MARCHF1: variants seen among roughly 807,000 people sequenced by gnomAD.
The protein encoded by MARCHF1 is E3 ubiquitin-protein ligase MARCHF1.
A neutral mutation model predicts 54.2 loss-of-function variants in MARCHF1; 40 were observed. The observed-to-expected ratio is 0.74, with a 90% CI of 0.57 to 0.96. The LOEUF (loss-of-function observed/expected upper bound fraction) is 0.96. Among genes scored for constraint, MARCHF1 ranks in the 40% least tolerant of loss-of-function variants. The pLI is 0.00. For synonymous variants in MARCHF1, 236 were observed against 236.3 expected, an observed-to-expected ratio of 1.00 and a Z score of 0.01; for missense variants, 586 against 656.5, an observed-to-expected ratio of 0.89 and a Z score of 1.17.
chr4:163,634,397 G>A (rs1742232329), intron 5 of MARCHF1, among the ~76,000 whole-genome samples: 2 of 148,132 alleles, frequency 1.4e-5, no homozygotes, highest in African/African-American at 5.0e-5. Flanking sequence ...AAAGGATGGA[G>A]GAAGATCTAC....
intron 2 of MARCHF1, among the ~76,000 whole-genome samples, chr4:164,052,550 C>T (rs1051729632): frequency 1.3e-5 from 2 of 151,944 alleles, no homozygotes; most frequent in African/African-American, 4.8e-5. Flanking sequence ...GAGCCTTCCT[C>T]CTGGGTAAAG....
intron 5 of MARCHF1, among the ~76,000 whole-genome samples, chr4:163,687,977 A>G (rs773804960): frequency 1.3e-5 from 2 of 152,244 alleles, no homozygotes; most frequent in Non-Finnish European, 2.9e-5. Context: ...CAACAAAGAC[A>G]GCCCAATTGG....
intron 3 of MARCHF1, among the ~76,000 whole-genome samples, chr4:163,975,192 T>TCACA (rs1244675716): frequency 9.6e-6 from 1 of 104,420 alleles, no homozygotes; most frequent in African/African-American, 3.8e-5. Flanking sequence ...TCTCTCTCTC[T>TCACA]CTCTCACACA....
At chr4:163,808,237 A>C (rs1748280901) in intron 4 of MARCHF1, among the ~76,000 whole-genome samples, 1 of 152,152 alleles carries the variant, frequency 6.6e-6, no homozygotes, top group East Asian at 1.9e-4. Flanking sequence ...TTCACTAATC[A>C]CATGCTGTCT....
intron 1 of MARCHF1, among the ~76,000 whole-genome samples, chr4:164,186,085 G>T (rs567894689): frequency 3.3e-5 from 5 of 152,238 alleles, no homozygotes; most frequent in African/African-American, 1.2e-4. Context: ...TAGAGACGGG[G>T]TTTTGCCATG....
intron 9 of MARCHF1, among the ~76,000 whole-genome samples, chr4:163,534,594 A>G (rs1310187284): frequency 6.6e-6 from 1 of 152,106 alleles, no homozygotes; most frequent in Non-Finnish European, 1.5e-5. Context: ...ACTTAAGAGA[A>G]GATGCTAAAA....
chr4:164,336,171 A>T (rs1339041290), intron 1 of MARCHF1, among the ~76,000 whole-genome samples: 1 of 152,214 alleles, frequency 6.6e-6, no homozygotes, highest in East Asian at 1.9e-4. Flanking sequence ...GCTTCTTGAT[A>T]GATGAGAGAT....
rs6819162 is a variant in MARCHF1 at position 163,804,809 on chromosome 4, C to T, written c.111+49212G>A. Among the ~76,000 whole-genome samples, 22 of 152,210 alleles carry T rather than the reference C, an allele frequency of 1.4e-4. No individual in the cohort carries two copies. In the East Asian group the frequency reaches 3.7e-3, roughly 25 times the overall value. ...TTCACTTGCACCTCACCATTTTTCACGGCATTCCCTTTTAGACATCTCTCT... is the reference window on the plus strand; with the variant it reads ...TTCACTTGCACCTCACCATTTTTCATGGCATTCCCTTTTAGACATCTCTCT... On this transcript the variant is annotated intron_variant, in intron 4 of 9. Coordinates refer to ENST00000514618, the MANE Select transcript of MARCHF1 (RefSeq NM_001394959.1).
At chr4:164,098,126 C>G (rs1579530603) in intron 2 of MARCHF1, among the ~76,000 whole-genome samples, 1 of 152,278 alleles carries the variant, frequency 6.6e-6, no homozygotes, top group South Asian at 2.1e-4. Context: ...CTCATGCTTT[C>G]AGCTTACCAC....
At chr4:164,252,237 G>A (rs928461558) in intron 1 of MARCHF1, among the ~76,000 whole-genome samples, 17 of 152,132 alleles carry the variant, frequency 1.1e-4, no homozygotes, top group African/African-American at 3.9e-4. Context: ...TGAGGCATAT[G>A]CTCAAATCTT....
chr4:163,985,978 T>C (rs903335536), intron 3 of MARCHF1, among the ~76,000 whole-genome samples: 11 of 152,142 alleles, frequency 7.2e-5, no homozygotes, highest in African/African-American at 2.4e-4. Flanking sequence ...CACAGATGTA[T>C]GCTGTTTAAT....
chr4:164,036,521 A>C (rs1754007211), intron 2 of MARCHF1, among the ~76,000 whole-genome samples: 2 of 152,226 alleles, frequency 1.3e-5, no homozygotes. Flanking sequence ...ACTTGTAATA[A>C]AAATTCAAGG....
chr4:164,180,793 A>T (rs1011457740), intron 1 of MARCHF1, among the ~76,000 whole-genome samples: 1 of 152,182 alleles, frequency 6.6e-6, no homozygotes, highest in Admixed American at 6.5e-5. Flanking sequence ...AGACCAATGT[A>T]GAATTTAGTG....
intron 4 of MARCHF1, among the ~76,000 whole-genome samples, chr4:163,799,540 C>T (rs554026063): frequency 5.9e-5 from 9 of 152,168 alleles, no homozygotes; most frequent in South Asian, 4.1e-4. Context: ...TGATCTGAGA[C>T]GTAATAAAAA....
chr4:163,795,788 TTATG>T (rs1288281456), intron 4 of MARCHF1, among the ~76,000 whole-genome samples: 4 of 152,202 alleles, frequency 2.6e-5, no homozygotes, highest in Non-Finnish European at 5.9e-5. Flanking sequence ...AGTCAAAAAT[TTATG>T]TATAACTTTT....
chr4:164,191,478 T>C, intron 1 of MARCHF1, among the ~76,000 whole-genome samples: 2 of 152,336 alleles, frequency 1.3e-5, no homozygotes, highest in South Asian at 4.1e-4. Context: ...ATATTTGTAA[T>C]TATCTTTGCA....
intron 2 of MARCHF1, among the ~76,000 whole-genome samples, chr4:164,039,597 G>C (rs1224995486): frequency 5.9e-5 from 9 of 151,982 alleles, no homozygotes; most frequent in Admixed American, 5.9e-4. Context: ...TGAAGAGAAG[G>C]CACTCTGAGA....
At chr4:164,122,986 A>T (rs982285855) in intron 1 of MARCHF1, among the ~76,000 whole-genome samples, 2 of 152,146 alleles carry the variant, frequency 1.3e-5, no homozygotes, top group African/African-American at 4.8e-5. Flanking sequence ...GAAAGAAATA[A>T]AGGGCATCCA....
intron 1 of MARCHF1, among the ~76,000 whole-genome samples, chr4:164,334,214 A>G (rs1729666633): frequency 1.3e-5 from 2 of 152,330 alleles, no homozygotes; most frequent in Middle Eastern, 3.4e-3. Context: ...CAGATTCTCA[A>G]TGCAGATGAA....
Sources: allele counts gnomAD v4.1 joint callset (sites outside exome capture counted in the v4.1 genomes callset), GRCh38; gene constraint gnomAD v4.1.1; transcripts MANE v1.5; gene names NCBI Gene and HGNC (gene_info 2026-07-23, HGNC 2026-07-21).